Variants in GFRA3 observed in about 807,000 individuals in gnomAD.
The protein encoded by GFRA3 is GDNF family receptor alpha-3.
GFRA3 carries 24 observed loss-of-function variants against 40.0 expected under a neutral mutation model. The observed-to-expected ratio is 0.60, with a 90% CI of 0.43 to 0.84. The LOEUF is 0.84. Among genes scored for constraint, GFRA3 ranks in the 40% least tolerant of loss-of-function variants. The pLI, the probability that GFRA3 is intolerant of heterozygous loss-of-function variation, is 0.00. For missense variants in GFRA3, 405 were observed against 530.6 expected (o/e 0.76, Z 2.33); for synonymous variants, 203 against 213.5 (o/e 0.95, Z 0.43).
chr5:138,253,695 T>A, intron 6 of GFRA3, 71 bp downstream of exon 6: 1 of 1,441,048 alleles, frequency 6.9e-7, no homozygotes, highest in Non-Finnish European at 9.7e-7. Context: ...GGCCACAGAG[T>A]CGACCCTTTT....
At chr5:138,269,726 C>T (rs1755840221) in intron 1 of GFRA3, among the ~76,000 whole-genome samples, 2 of 150,872 alleles carry the variant, frequency 1.3e-5, no homozygotes, top group Admixed American at 1.3e-4. Context: ...GCCTATAGTC[C>T]CAGCTACTGA....
At chr5:138,258,953 T>G (rs1215010525) in intron 3 of GFRA3, among the ~76,000 whole-genome samples, 2 of 152,216 alleles carry the variant, frequency 1.3e-5, no homozygotes, top group African/African-American at 4.8e-5. Context: ...TATGCCTTTT[T>G]CTCAAAATTC....
intron 2 of GFRA3, among the ~76,000 whole-genome samples, chr5:138,259,885 G>A (rs187928553): frequency 1.2e-4 from 18 of 152,276 alleles, no homozygotes; most frequent in African/African-American, 3.9e-4. Flanking sequence ...AGCACACTGT[G>A]TGCTGAGCAC....
rs138303036 is a variant in GFRA3 at position 138,268,199 on chromosome 5, C to T, written c.92-3651G>A. ...ACTCAGGAGGCTGAGGCAGGAGAAT[C>T]GCTTGAACCCAGGAGGCAGAGTATG... On this transcript the variant is annotated intron_variant, in intron 1 of 7. Coordinates refer to ENST00000274721, the MANE Select transcript of GFRA3 (RefSeq NM_001496.4). Among the ~76,000 whole-genome samples the T allele has an allele frequency of 3.8e-4, 54 of 142,208 alleles. 3 individuals carry two copies. The East Asian group carries it at 9.6e-3, about 25-fold the overall frequency. 93.3% of individuals were successfully genotyped at this position (142,208 alleles called of 152,430 possible). A position where few individuals can be genotyped will look rare whatever the true frequency, so the allele number is the denominator to read the frequency against.
chr5:138,254,211 T>C, intron 4 of GFRA3, 51 bp from the exon 5 acceptor site: 4 of 927,822 alleles, frequency 4.3e-6, no homozygotes, highest in Non-Finnish European at 7.0e-6. Flanking sequence ...TTTGAGATGA[T>C]GTCTCACTCT....
In GFRA3 at chr5:138,264,337, G is replaced by A. The variant is rs1161927698; in HGVS notation, c.303C>T (p.Cys101=). Residue 101 remains cysteine (C), a synonymous_variant, in exon 2 of 8, where the codon TGC becomes TGT. Coordinates refer to ENST00000274721, the MANE Select transcript of GFRA3 (RefSeq NM_001496.4). ...QQLRNSSLIG[C]MCHRRMKNQV... ...GGTTCTTCATGCGCCGGTGGCACAT[G>A]CAGCCTATCAGAGAGCTGTTCCTGA... 4 of 1,613,546 alleles carry A rather than the reference G, an allele frequency of 2.5e-6. No homozygotes were observed. The highest frequency in any genetic ancestry group is 3.4e-6 in the Non-Finnish European group (4 of 1,179,476).
intron 3 of GFRA3, 42 bp from the exon 4 acceptor site, chr5:138,257,993 C>G (rs1755657976): frequency 6.6e-7 from 1 of 1,519,810 alleles, no homozygotes; most frequent in Non-Finnish European, 9.1e-7. Context: ...GGGCCCTCTG[C>G]ACGCCTGCAC....
chr5:138,259,754 A>G (rs1755684679), intron 2 of GFRA3, 105 bp from the exon 3 acceptor site: 5 of 750,012 alleles, frequency 6.7e-6, no homozygotes, highest in Non-Finnish European at 9.9e-6. Context: ...GAGAAAAGGA[A>G]AAGCACAGCC....
chr5:138,272,521 C>T (rs529462288), intron 1 of GFRA3, among the ~76,000 whole-genome samples: 1 of 150,328 alleles, frequency 6.7e-6, no homozygotes, highest in African/African-American at 2.4e-5. Context: ...CACACTACTA[C>T]AGTCCCAGCT....
intron 1 of GFRA3, among the ~76,000 whole-genome samples, chr5:138,268,916 C>T (rs1183214599): frequency 7.3e-6 from 1 of 136,194 alleles, no homozygotes; most frequent in Non-Finnish European, 1.6e-5. Context: ...CAGAGCAAGA[C>T]TCCATCTCAA....
intron 1 of GFRA3, among the ~76,000 whole-genome samples, chr5:138,264,801 C>T (rs1755760358): frequency 6.6e-6 from 1 of 152,128 alleles, no homozygotes; most frequent in Admixed American, 6.6e-5. Flanking sequence ...GCTGCTCAGC[C>T]TTCAGGGAGG....
chr5:138,269,867 A>G (rs1340058990), intron 1 of GFRA3, among the ~76,000 whole-genome samples: 3 of 149,146 alleles, frequency 2.0e-5, no homozygotes, highest in African/African-American at 7.4e-5. Flanking sequence ...AAAAAAAAGT[A>G]GAACTACCAT....
chr5:138,262,941 A>ATGTTTGTT (rs772289573), intron 2 of GFRA3, among the ~76,000 whole-genome samples: 1 of 151,806 alleles, frequency 6.6e-6, no homozygotes, highest in East Asian at 1.9e-4. Context: ...GCCTGATGTC[A>ATGTTTGTT]TGTTTGTTTG....
At chr5:138,266,619 T>C (rs1755788528) in intron 1 of GFRA3, among the ~76,000 whole-genome samples, 1 of 152,224 alleles carries the variant, frequency 6.6e-6, no homozygotes, top group South Asian at 2.1e-4. Flanking sequence ...CCTGAAGCCC[T>C]CTTCCAGTCA....
At chr5:138,257,978 C>T in intron 3 of GFRA3, 27 bp from the exon 4 acceptor site, 8 of 1,600,194 alleles carry the variant, frequency 5.0e-6, no homozygotes, top group Non-Finnish European at 6.0e-6. Context: ...CGGAGTCAGT[C>T]GGCTGGGCCC....
intron 1 of GFRA3, 126 bp downstream of exon 1, chr5:138,274,207 TC>T: frequency 8.2e-7 from 1 of 1,217,036 alleles, no homozygotes; most frequent in Non-Finnish European, 1.0e-6. Flanking sequence ...CTGCTCCAGT[TC>T]CCCTTGTTCG....
intron 4 of GFRA3, among the ~76,000 whole-genome samples, chr5:138,256,915 C>T (rs958636445): frequency 6.8e-6 from 1 of 147,292 alleles, no homozygotes; most frequent in Non-Finnish European, 1.5e-5. Flanking sequence ...TCACTGCACT[C>T]CAGCCTGGGT....
intron 1 of GFRA3, chr5:138,267,506 G>A (rs1755803964): frequency 1.3e-5 from 2 of 159,892 alleles, no homozygotes; most frequent in South Asian, 1.8e-4. Flanking sequence ...CTTTTTGGGA[G>A]TAGTTTAAGA....
At chr5:138,256,794 G>T (rs1198828199) in intron 4 of GFRA3, among the ~76,000 whole-genome samples, 1 of 150,098 alleles carries the variant, frequency 6.7e-6, no homozygotes, top group Non-Finnish European at 1.5e-5. Context: ...CAAAAATAAA[G>T]AAATTAGCTG....
Sources: allele counts gnomAD v4.1 joint callset (sites outside exome capture counted in the v4.1 genomes callset), GRCh38; gene constraint gnomAD v4.1.1; transcripts MANE v1.5; gene names NCBI Gene and HGNC (gene_info 2026-07-23, HGNC 2026-07-21).